Variants in BID observed in about 807,000 individuals in gnomAD.
The protein encoded by BID is BH3 interacting domain death agonist.
BID carries 19 observed loss-of-function variants against 17.4 expected under a neutral mutation model. The ratio of observed to expected loss-of-function variants is 1.09; its 90% CI spans 0.76 to 1.60. The LOEUF (loss-of-function observed/expected upper bound fraction) is 1.60. Among genes scored for constraint, BID ranks in the 40% most tolerant of loss-of-function variants. The pLI, the probability that BID is intolerant of heterozygous loss-of-function variation, is 0.00. For missense variants in BID, 226 were observed against 256.0 expected (o/e 0.88, Z 0.80); for synonymous variants, 108 against 102.8 (o/e 1.05, Z -0.31).
intron 1 of BID, among the ~76,000 whole-genome samples, chr22:17,756,647 C>T (rs113726270): frequency 1.3e-5 from 2 of 151,194 alleles, no homozygotes; most frequent in South Asian, 2.1e-4. Flanking sequence ...ACAATCTCGG[C>T]TCACTGCAAC....
At chr22:17,771,467 G>A (rs1426520954) in intron 1 of BID, among the ~76,000 whole-genome samples, 3 of 150,688 alleles carry the variant, frequency 2.0e-5, no homozygotes, top group Admixed American at 6.6e-5. Flanking sequence ...CAAGGAGTGC[G>A]GCGGTGCAAT....
intron 2 of BID, 74 bp downstream of exon 2, chr22:17,750,031 G>T: frequency 3.5e-6 from 5 of 1,435,640 alleles, no homozygotes; most frequent in Non-Finnish European, 3.9e-6. Context: ...AGGGATGCGT[G>T]GTGGGGGACA....
chr22:17,744,680 A>AG (rs1194626048), intron 2 of BID, among the ~76,000 whole-genome samples: 3 of 152,160 alleles, frequency 2.0e-5, no homozygotes, highest in Non-Finnish European at 2.9e-5. Context: ...GCAGCTCTCC[A>AG]GCTCCCTGGG....
chr22:17,765,271 G>A (rs1223611146), intron 1 of BID, among the ~76,000 whole-genome samples: 1 of 152,124 alleles, frequency 6.6e-6, no homozygotes, highest in African/African-American at 2.4e-5. Context: ...AGGTAGGTCA[G>A]TATGATCACC....
In BID at chr22:17,737,097, G is replaced by A. The variant is rs8190344; in HGVS notation, c.576+920C>T. Among the ~76,000 whole-genome samples the A allele has an allele frequency of 2.3e-3, 349 of 151,964 alleles. 3 individuals are homozygous for A. The East Asian group carries it at 0.045, about 20-fold the overall frequency. On this transcript the variant is annotated intron_variant, in intron 5 of 5. Coordinates refer to ENST00000622694, the MANE Select transcript of BID (RefSeq NM_001196.4). ...TGGGATTACAGGCGTGAGCCACCGC[G>A]CCTGGCCCTCAGCTAATTATTTTTA...
At chr22:17,747,606 C>A (rs2061503041) in intron 2 of BID, among the ~76,000 whole-genome samples, 1 of 151,372 alleles carries the variant, frequency 6.6e-6, no homozygotes, top group Non-Finnish European at 1.5e-5. Context: ...CTGGCGTGAG[C>A]CACCATGCCC....
intron 2 of BID, among the ~76,000 whole-genome samples, chr22:17,746,763 T>C (rs1479966285): frequency 2.0e-5 from 3 of 152,014 alleles, no homozygotes; most frequent in South Asian, 2.1e-4. Flanking sequence ...GAGGACGCCA[T>C]GTGAAGACAG....
intron 5 of BID, among the ~76,000 whole-genome samples, chr22:17,737,582 G>A (rs567753639): frequency 6.6e-6 from 1 of 151,982 alleles, no homozygotes; most frequent in South Asian, 2.1e-4. Context: ...CTGACCTCAG[G>A]TGATCCACCT....
chr22:17,754,533 G>A (rs2061567255), intron 1 of BID, among the ~76,000 whole-genome samples: 1 of 152,238 alleles, frequency 6.6e-6, no homozygotes, highest in Non-Finnish European at 1.5e-5. Flanking sequence ...ATGCACTCTG[G>A]AAGCCAAATG....
chr22:17,761,471 G>A (rs935862114), intron 1 of BID, among the ~76,000 whole-genome samples: 17 of 129,378 alleles, frequency 1.3e-4, no homozygotes, highest in East Asian at 1.1e-3. Flanking sequence ...TCGCTCTGTC[G>A]CCCAGGCTGG....
intron 1 of BID, among the ~76,000 whole-genome samples, chr22:17,758,793 A>G (rs1303304377): frequency 2.6e-5 from 4 of 152,222 alleles, no homozygotes. Flanking sequence ...TTGAAAGGTG[A>G]AAAAGTTCTG....
intron 1 of BID, among the ~76,000 whole-genome samples, chr22:17,759,723 T>A (rs961878794): frequency 6.6e-6 from 1 of 152,116 alleles, no homozygotes; most frequent in Non-Finnish European, 1.5e-5. Flanking sequence ...AAGTTTAAAA[T>A]TTTTTAAATT....
At chr22:17,761,960 A>G (rs981433215) in intron 1 of BID, among the ~76,000 whole-genome samples, 3 of 152,128 alleles carry the variant, frequency 2.0e-5, no homozygotes, top group Non-Finnish European at 2.9e-5. Flanking sequence ...GAGAGTGTGG[A>G]CCAGGATATC....
At position 17,744,377 on chromosome 22, in the gene BID, T is replaced by C. The variant is rs569731478; in HGVS notation, c.13-364A>G. Among the ~76,000 whole-genome samples, 14 of 152,374 alleles carry C rather than the reference T, an allele frequency of 9.2e-5. No individual in the cohort carries two copies. In the South Asian group the frequency reaches 2.9e-3, roughly 32 times the overall value. ...GTCATGCGGGCATCATCCGCCATCC[T>C]GTGCTGGCACGCTTTCTTCAAGTTC... is the stretch of plus-strand genomic sequence containing the variant. On this transcript the variant is annotated intron_variant, in intron 2 of 5. Transcript: ENST00000622694.
rs11542850 is a variant in BID, at chr22:17,743,878, G to C, written c.148C>G (p.Gln50Glu). Residue 50 changes from glutamine to glutamate, a missense_variant, in exon 3 of 6, where the codon CAG (glutamine) becomes GAG (glutamate). Gln to Glu is a conservative substitution (Grantham distance 29). Transcript: ENST00000622694. ...LGHELPVLAPQWEGYDELQTD... is the reference protein window; with the variant it reads ...LGHELPVLAPEWEGYDELQTD... ...TGCAGCTCATCGTAGCCCTCCCACTGGGGAGCCAGCACTGGCAGCTCGTGG... is the reference window on the plus strand; with the variant it reads ...TGCAGCTCATCGTAGCCCTCCCACTCGGGAGCCAGCACTGGCAGCTCGTGG... The C allele has an allele frequency of 1.2e-6, 2 of 1,613,458 alleles. No homozygotes were observed. The highest frequency in any genetic ancestry group is 1.7e-6 in the Non-Finnish European group (2 of 1,179,974).
chr22:17,737,534 CG>C (rs1430317581), intron 5 of BID, among the ~76,000 whole-genome samples: 3 of 152,128 alleles, frequency 2.0e-5, no homozygotes, highest in African/African-American at 2.4e-5. Flanking sequence ...TTAGTAGAGA[CG>C]GGCTTTCACC....
upstream of BID, chr22:17,774,565 G>T (rs2061746604): frequency 6.7e-6 from 1 of 149,832 alleles, no homozygotes; most frequent in Non-Finnish European, 1.5e-5. Flanking sequence ...GACCCGGGGA[G>T]CCCGCGCCGG....
chr22:17,772,080 T>G (rs933975082), intron 1 of BID, among the ~76,000 whole-genome samples: 4 of 152,196 alleles, frequency 2.6e-5, no homozygotes, highest in African/African-American at 9.6e-5. Context: ...CTTGCCTCAG[T>G]TACACCATCT....
intron 4 of BID, 131 bp from the exon 5 acceptor site, chr22:17,738,360 A>G (rs1243236174): frequency 1.2e-6 from 1 of 866,444 alleles, no homozygotes; most frequent in African/African-American, 1.7e-5. Flanking sequence ...AAAGAATGAG[A>G]AACAGTTGAG....
Sources: gnomAD v4.1 joint callset for allele counts (sites outside exome capture counted in the v4.1 genomes callset) on GRCh38, gnomAD v4.1.1 for gene constraint, MANE v1.5 for transcripts, NCBI Gene and HGNC (gene_info 2026-07-23, HGNC 2026-07-21) for gene names.